KCNQ5: variants seen among roughly 807,000 people sequenced by gnomAD.
KCNQ5 encodes potassium voltage-gated channel subfamily KQT member 5.
In KCNQ5, 30 loss-of-function variants were observed where a neutral mutation model predicts 98.2. That is an observed-to-expected ratio of 0.31 (90% CI 0.23 to 0.41). KCNQ5 has a LOEUF of 0.41. Ranked by LOEUF, KCNQ5 falls within the 10% of genes least tolerant of loss-of-function variation. KCNQ5 has a pLI of 1.00. For missense variants in KCNQ5, 835 were observed against 1,182.5 expected (o/e 0.71, Z 4.31); for synonymous variants, 458 against 449.4 (o/e 1.02, Z -0.24).
chr6:73,011,665 T>C (rs1454451504), intron 2 of KCNQ5, among the ~76,000 whole-genome samples: 1 of 151,828 alleles, frequency 6.6e-6, no homozygotes, highest in Non-Finnish European at 1.5e-5. Flanking sequence ...GAAGACAGTA[T>C]CAACAGAGAA....
Position 73,033,038 on chromosome 6 carries a change from C to A in KCNQ5, c.490-8898C>A, listed in dbSNP as rs76300688. 1.7e-3 allele frequency among the ~76,000 whole-genome samples: 252 copies of A among 152,260 alleles called. 1 individual carries two copies. The highest frequency in any genetic ancestry group is 5.8e-3 in the African/African-American group (243 of 41,556). ...ACTAGGCAGGCATTATAGCTGCTGA[C>A]AAGAGCCAACCCATCCCTAAGGATC... is the stretch of plus-strand genomic sequence containing the variant. On this transcript the variant is annotated intron_variant, in intron 2 of 13. Coordinates refer to ENST00000370398, the MANE Select transcript of KCNQ5 (RefSeq NM_019842.4).
chr6:72,977,545 T>C (rs1032809470), intron 1 of KCNQ5, among the ~76,000 whole-genome samples: 30 of 152,154 alleles, frequency 2.0e-4, no homozygotes, highest in Admixed American at 9.2e-4. Context: ...AGCAGTTCCA[T>C]AGAAAGCAGG....
At chr6:73,029,379 A>G (rs1045160138) in intron 2 of KCNQ5, among the ~76,000 whole-genome samples, 5 of 152,118 alleles carry the variant, frequency 3.3e-5, no homozygotes, top group Non-Finnish European at 7.4e-5. Flanking sequence ...TCACCATTAA[A>G]TCTAACTGCT....
At chr6:73,039,640 A>G (rs993940240) in intron 2 of KCNQ5, among the ~76,000 whole-genome samples, 9 of 152,096 alleles carry the variant, frequency 5.9e-5, no homozygotes, top group East Asian at 1.9e-4. Flanking sequence ...TCTTTCTGTT[A>G]TTGATTTCTA....
chr6:72,987,380 C>A (rs1035164260), intron 1 of KCNQ5: 7 of 717,992 alleles, frequency 9.7e-6, no homozygotes, highest in Non-Finnish European at 1.8e-5. Flanking sequence ...GAGAGTCAGG[C>A]AAAACGGAAG....
intron 1 of KCNQ5, among the ~76,000 whole-genome samples, chr6:72,941,758 T>C: frequency 2.5e-5 from 3 of 118,120 alleles, no homozygotes; most frequent in Non-Finnish European, 3.7e-5. Flanking sequence ...CTTTTCTCCC[T>C]CAACTACTGA....
At chr6:72,936,132 C>G (rs1159246031) in intron 1 of KCNQ5, among the ~76,000 whole-genome samples, 1 of 152,108 alleles carries the variant, frequency 6.6e-6, no homozygotes, top group East Asian at 1.9e-4. Context: ...GTCTGAGAGT[C>G]TTCTCAAACT....
At chr6:72,829,895 G>A (rs927209927) in intron 1 of KCNQ5, among the ~76,000 whole-genome samples, 4 of 152,108 alleles carry the variant, frequency 2.6e-5, no homozygotes, top group African/African-American at 4.8e-5. Context: ...GGGCTGAGGG[G>A]CCTTAGATTT....
chr6:73,041,494 G>A (rs780149754), intron 2 of KCNQ5, among the ~76,000 whole-genome samples: 3 of 152,120 alleles, frequency 2.0e-5, no homozygotes, highest in Non-Finnish European at 2.9e-5. Context: ...AACAACTCTC[G>A]AAGATTTAGA....
chr6:73,109,257 G>T (rs1775128044), intron 6 of KCNQ5, among the ~76,000 whole-genome samples: 2 of 152,180 alleles, frequency 1.3e-5, no homozygotes, highest in Non-Finnish European at 1.5e-5. Flanking sequence ...TTTGGCAGAT[G>T]ATAAATTTGT....
chr6:73,129,661 C>A, intron 9 of KCNQ5: 2 of 673,378 alleles, frequency 3.0e-6, no homozygotes, highest in East Asian at 2.8e-5. Flanking sequence ...GTACTCTCTG[C>A]TTAAATAGTC....
chr6:72,746,582 T>G (rs1412210584), intron 1 of KCNQ5, among the ~76,000 whole-genome samples: 1 of 152,164 alleles, frequency 6.6e-6, no homozygotes, highest in African/African-American at 2.4e-5. Context: ...AAGAAGATAC[T>G]TAGAATTGTT....
At chr6:72,921,965 C>A (rs1233547903) in intron 1 of KCNQ5, among the ~76,000 whole-genome samples, 6 of 152,122 alleles carry the variant, frequency 3.9e-5, no homozygotes. Context: ...ATTCTTGATA[C>A]AGTTAATGAA....
At chr6:72,909,743 T>A (rs1310932715) in intron 1 of KCNQ5, among the ~76,000 whole-genome samples, 1 of 152,186 alleles carries the variant, frequency 6.6e-6, no homozygotes, top group Non-Finnish European at 1.5e-5. Context: ...GAAGACAGAA[T>A]TCAAAGCAGA....
chr6:72,741,078 G>A (rs986591769), intron 1 of KCNQ5, among the ~76,000 whole-genome samples: 4 of 152,168 alleles, frequency 2.6e-5, no homozygotes, highest in African/African-American at 9.7e-5. Context: ...GAGAATTCAG[G>A]TGAAGTCAAT....
In KCNQ5 at chr6:72,820,516, G is replaced by A. The variant is rs367736178; in HGVS notation, c.399-183392G>A. Among the ~76,000 whole-genome samples, 4 of 150,940 alleles carry A rather than the reference G, an allele frequency of 2.7e-5. No homozygotes were observed. The South Asian group carries it at 8.4e-4, about 32-fold the overall frequency. ...TTTTTGTAAGTTGATTTAATAGGTTGTAAGTTTATCTACGAATTCCAAAAA... is the reference window on the plus strand; with the variant it reads ...TTTTTGTAAGTTGATTTAATAGGTTATAAGTTTATCTACGAATTCCAAAAA... On this transcript the variant is annotated intron_variant, in intron 1 of 13. Transcript: ENST00000370398.
intron 1 of KCNQ5, among the ~76,000 whole-genome samples, chr6:72,727,575 T>A (rs1770349939): frequency 6.6e-6 from 1 of 152,204 alleles, no homozygotes; most frequent in Non-Finnish European, 1.5e-5. Flanking sequence ...AATGATTGCC[T>A]CTAAAATAAT....
At chr6:72,971,512 T>C (rs1014425375) in intron 1 of KCNQ5, among the ~76,000 whole-genome samples, 8 of 152,286 alleles carry the variant, frequency 5.3e-5, no homozygotes, top group African/African-American at 1.9e-4. Flanking sequence ...ACCCAAAGGA[T>C]TATAAATCAT....
chr6:72,727,609 G>A (rs946893118), intron 1 of KCNQ5, among the ~76,000 whole-genome samples: 1 of 152,070 alleles, frequency 6.6e-6, no homozygotes, highest in East Asian at 1.9e-4. Context: ...CTAGCAACTG[G>A]TACTCCTTCA....
Sources: allele counts gnomAD v4.1 joint callset (sites outside exome capture counted in the v4.1 genomes callset), GRCh38; gene constraint gnomAD v4.1.1; transcripts MANE v1.5; gene names NCBI Gene and HGNC (gene_info 2026-07-23, HGNC 2026-07-21).